CLEC4A: variants seen among roughly 807,000 people sequenced by gnomAD.
CLEC4A encodes the protein C-type lectin domain family 4 member A.
CLEC4A carries 27 observed loss-of-function variants against 32.7 expected under a neutral mutation model. The ratio of observed to expected loss-of-function variants is 0.83; its 90% CI spans 0.61 to 1.14. The LOEUF is 1.14. CLEC4A is among the 50% of genes most tolerant of loss of function. The pLI is 0.00. For missense variants in CLEC4A, 253 were observed against 274.6 expected (o/e 0.92, Z 0.55); for synonymous variants, 89 against 93.7 (o/e 0.95, Z 0.29).
chr12:8,135,787 T>A, intron 4 of CLEC4A, 51 bp downstream of exon 4: 1 of 1,584,238 alleles, frequency 6.3e-7, no homozygotes, highest in Non-Finnish European at 8.6e-7. Flanking sequence ...TCTTTGTATA[T>A]CTCTCTTGGC....
At position 8,134,516 on chromosome 12, in the gene CLEC4A, C is replaced by T. The variant is rs1426561469; in HGVS notation, c.299-1069C>T. 8 of 1,613,850 alleles carry T rather than the reference C, an allele frequency of 5.0e-6. No individual in the cohort carries two copies. The South Asian group carries it at 6.6e-5, about 13-fold the overall frequency. On this transcript the variant is annotated intron_variant, in intron 3 of 5. Coordinates refer to ENST00000229332, the MANE Select transcript of CLEC4A (RefSeq NM_016184.4). ...CACCAGAGGGGACGGTGCAGGGCTC[C>T]GGGGAGGCCCCATCGGAGTTGCTCT...
chr12:8,125,307 ATAT>A (rs1430900915), intron 1 of CLEC4A, among the ~76,000 whole-genome samples: 1 of 152,192 alleles, frequency 6.6e-6, no homozygotes, highest in Non-Finnish European at 1.5e-5. Context: ...ATATACCAAA[ATAT>A]TATGGTATAT....
At chr12:8,130,125 G>A (rs1484684636) in intron 3 of CLEC4A, among the ~76,000 whole-genome samples, 2 of 152,068 alleles carry the variant, frequency 1.3e-5, no homozygotes, top group Admixed American at 6.5e-5. Context: ...CGTGAGCCAC[G>A]GTGCCTGGTC....
chr12:8,120,989 A>G (rs1947826277), upstream of CLEC4A: 1 of 152,208 alleles, frequency 6.6e-6, no homozygotes, highest in Non-Finnish European at 1.5e-5. Flanking sequence ...ATGCTACTAC[A>G]TGGTTCAGCT....
chr12:8,126,980 C>G (rs942774643), intron 2 of CLEC4A, among the ~76,000 whole-genome samples: 1 of 152,156 alleles, frequency 6.6e-6, no homozygotes, highest in Non-Finnish European at 1.5e-5. Context: ...GATTTTTTCC[C>G]TCCTAAAGGT....
upstream of CLEC4A, among the ~76,000 whole-genome samples, chr12:8,122,226 G>A (rs771212375): frequency 1.3e-5 from 2 of 151,416 alleles, no homozygotes; most frequent in Non-Finnish European, 2.9e-5. Context: ...ATAAGGAGGT[G>A]GTCCATGTGG....
intron 3 of CLEC4A, chr12:8,134,975 T>TTTTTTTTGTTTGTTTG (rs1252899557): frequency 3.3e-6 from 1 of 304,546 alleles, no homozygotes; most frequent in African/African-American, 2.8e-5. Context: ...GTTGAAGCGT[T>TTTTTTTTGTTTGTTTG]TTTGTTTTTT....
chr12:8,120,719 A>T (rs1204496748), upstream of CLEC4A, among the ~76,000 whole-genome samples: 1 of 152,208 alleles, frequency 6.6e-6, no homozygotes, highest in Non-Finnish European at 1.5e-5. Context: ...TATACTGCCT[A>T]AGGTACTTGT....
At chr12:8,112,270 C>T in the CLEC4A span, among the ~76,000 whole-genome samples, 4 of 152,052 alleles carry the variant, frequency 2.6e-5, no homozygotes, top group East Asian at 1.9e-4. Context: ...ACCTGGCCTA[C>T]GTGGGTATAT....
upstream of CLEC4A, among the ~76,000 whole-genome samples, chr12:8,118,922 C>T (rs1947809921): frequency 6.6e-6 from 1 of 152,222 alleles, no homozygotes; most frequent in South Asian, 2.1e-4. Flanking sequence ...TGCCTTCTGC[C>T]ATGTGAAGAC....
the CLEC4A span, among the ~76,000 whole-genome samples, chr12:8,113,940 C>T: frequency 6.6e-6 from 1 of 152,192 alleles, no homozygotes; most frequent in South Asian, 2.1e-4. Context: ...ATCAGGGTTT[C>T]CTCATGGTGT....
intron 3 of CLEC4A, chr12:8,134,988 TTTTTTTTAATCA>T: frequency 3.8e-6 from 1 of 261,650 alleles, no homozygotes; most frequent in African/African-American, 2.6e-5. Flanking sequence ...TGTTTTTTGT[TTTTTTTTAATCA>T]TGGCTGCTTT....
At chr12:8,122,172 T>C (rs983830740), upstream of CLEC4A, among the ~76,000 whole-genome samples, 1 of 151,764 alleles carries the variant, frequency 6.6e-6, no homozygotes, top group African/African-American at 2.4e-5. Context: ...AGAAAGCTTC[T>C]ATGCAGAGGG....
chr12:8,111,176 A>T, the CLEC4A span, among the ~76,000 whole-genome samples: 13 of 103,730 alleles, frequency 1.3e-4, no homozygotes, highest in Non-Finnish European at 1.7e-4. Context: ...CTGGCCCAAC[A>T]TCTTTTTTTT....
chr12:8,128,568 G>A (rs148541436), intron 2 of CLEC4A, among the ~76,000 whole-genome samples: 6 of 152,140 alleles, frequency 3.9e-5, no homozygotes, highest in East Asian at 1.9e-4. Context: ...CTGCCGCTGC[G>A]CCCAGCTGAT....
chr12:8,114,393 C>T, the CLEC4A span, among the ~76,000 whole-genome samples: 3 of 152,128 alleles, frequency 2.0e-5, no homozygotes, highest in Non-Finnish European at 4.4e-5. Flanking sequence ...CACAGGCGCC[C>T]GCCACCACGC....
chr12:8,116,893 T>A, the CLEC4A span, among the ~76,000 whole-genome samples: 1 of 152,196 alleles, frequency 6.6e-6, no homozygotes, highest in African/African-American at 2.4e-5. Context: ...CCTCCATATA[T>A]TTCTTTATCA....
At chr12:8,118,170 T>C in the CLEC4A span, among the ~76,000 whole-genome samples, 2 of 152,016 alleles carry the variant, frequency 1.3e-5, no homozygotes, top group Non-Finnish European at 2.9e-5. Flanking sequence ...ATGTGAAAAG[T>C]GGGGGTAAAA....
At chr12:8,129,403 T>A (rs763795584) in intron 3 of CLEC4A, 41 bp downstream of exon 3, 3 of 1,219,578 alleles carry the variant, frequency 2.5e-6, no homozygotes, top group Non-Finnish European at 3.6e-6. Context: ...CTGAATGTAC[T>A]ATGTAAGGAT....
Sources: allele counts gnomAD v4.1 joint callset (sites outside exome capture counted in the v4.1 genomes callset), GRCh38; gene constraint gnomAD v4.1.1; transcripts MANE v1.5; gene names NCBI Gene and HGNC (gene_info 2026-07-23, HGNC 2026-07-21).